MIGA2: variants seen among roughly 807,000 people sequenced by gnomAD.
MIGA2 encodes the protein family with sequence similarity 73, member B.
MIGA2 carries 36 observed loss-of-function variants against 69.9 expected under a neutral mutation model. The observed-to-expected ratio is 0.52, with a 90% CI of 0.39 to 0.68. The LOEUF (loss-of-function observed/expected upper bound fraction) is 0.68, where lower values mean the gene tolerates loss of function less well. MIGA2 is among the 30% of genes least tolerant of loss of function. The pLI, the probability that MIGA2 is intolerant of heterozygous loss-of-function variation, is 0.00. For missense variants in MIGA2, 660 were observed against 787.7 expected (o/e 0.84, Z 1.94); for synonymous variants, 333 against 349.2 (o/e 0.95, Z 0.52).
Position 129,070,547 on chromosome 9 carries a change from C to T in MIGA2, c.*94C>T, listed in dbSNP as rs986022792. 4.4e-6 allele frequency: 6 copies of T among 1,352,054 alleles called. No homozygotes were observed. In the Admixed American group the frequency reaches 1.7e-4, roughly 37 times the overall value. 83.8% of individuals were successfully genotyped at this position (1,352,054 alleles called of 1,614,324 possible). On this transcript the variant is annotated 3_prime_UTR_variant, in exon 16 of 16. Coordinates refer to ENST00000684074, the MANE Select transcript of MIGA2 (RefSeq NM_001329990.2). ...CTGTGGTGGCTGAGGGCCGTTGCCC[C>T]TGACTTTGCCCCACCCCCATCATCT...
chr9:129,063,165 C>A, intron 9 of MIGA2, 79 bp from the exon 10 acceptor site: 1 of 1,476,996 alleles, frequency 6.8e-7, no homozygotes, highest in South Asian at 1.2e-5. Context: ...TCCCCCCTCC[C>A]CACCCAGGTG....
chr9:129,064,912 A>C (rs1846263553), intron 11 of MIGA2, among the ~76,000 whole-genome samples: 1 of 150,198 alleles, frequency 6.7e-6, no homozygotes, highest in Admixed American at 6.6e-5. Context: ...CCTCCTGAGT[A>C]GCTGGGATTA....
At chr9:129,063,655 G>GGGTGGGGGGGGGGGC in intron 11 of MIGA2, 24 bp downstream of exon 11, 1 of 645,746 alleles carries the variant, frequency 1.5e-6, no homozygotes, top group Non-Finnish European at 2.9e-6. Flanking sequence ...GGGTGGGGGG[G>GGGTGGGGGGGGGGGC]CAAATTATAA....
Position 129,067,868 on chromosome 9 carries a change from A to AG in MIGA2, c.1269+1dup. ...CAACACGGCTGGAGCTGGAGGGCCG[A>AG]GGGGTGAGTTGCTTTGTGCTGAACC... On this transcript the variant is annotated frameshift_variant, in exon 12 of 16. Coordinates refer to ENST00000684074, the MANE Select transcript of MIGA2 (RefSeq NM_001329990.2). LOFTEE classifies it high-confidence loss of function. 6.2e-7 allele frequency: 1 copy of AG among 1,610,782 alleles called. No homozygotes were observed. Among genetic ancestry groups the AG allele is most frequent in the South Asian group, 1.1e-5 (1 of 90,366 alleles).
Position 129,071,137 on chromosome 9 carries a change from T to A in MIGA2, c.*684T>A, listed in dbSNP as rs1846656266. The A allele has an allele frequency of 6.6e-6, 1 of 152,634 alleles. No homozygotes were observed. Among genetic ancestry groups the A allele is most frequent in the African/African-American group, 2.4e-5 (1 of 41,454 alleles). 9.5% of individuals were successfully genotyped at this position (152,634 alleles called of 1,614,324 possible). ...CACCAAAGACGGGCGGAGGTGGGGC[T>A]GGGCCCTCCTGCCCCCGCCCATCCC... On this transcript the variant is annotated 3_prime_UTR_variant, in exon 16 of 16. Transcript: ENST00000684074.
chr9:129,068,302 C>A lies in MIGA2; in HGVS notation c.1374C>A (p.Asn458Lys). 6.2e-7 allele frequency: 1 copy of A among 1,608,890 alleles called. No homozygotes were observed. The change falls in exon 13 of 16, where the codon AAC becomes AAA. Residue 458 changes from asparagine (N) to lysine (K), a missense_variant. Around this residue, in one of 3 missense-constraint regions of MIGA2, gnomAD observed 220 missense variants for 301.7 expected, o/e 0.73. Coordinates refer to ENST00000684074, the MANE Select transcript of MIGA2 (RefSeq NM_001329990.2). The surrounding 1 kb of genome is among the most constrained non-coding windows in gnomAD (Gnocchi z 4.1). ...CCTCGGTGCTCGCCGTCCTGCGGAA[C>A]CGCTGGCTGTCAGACAGCTTCAAGG... ...PPASVLAVLRNRWLSDSFKET... is the reference protein window; with the variant it reads ...PPASVLAVLRKRWLSDSFKET...
intron 6 of MIGA2, among the ~76,000 whole-genome samples, chr9:129,054,042 AAAAAG>A (rs1306614066): frequency 6.6e-6 from 1 of 151,964 alleles, no homozygotes; most frequent in Admixed American, 6.6e-5. Flanking sequence ...CTACAAAAAG[AAAAAG>A]AAAAGATATA....
chr9:129,048,385 CAG>C (rs774920472), intron 3 of MIGA2, 40 bp from the exon 4 acceptor site: 9 of 1,532,508 alleles, frequency 5.9e-6, no homozygotes, highest in South Asian at 2.2e-5. Context: ...GTAAAGGCCA[CAG>C]GGGATGCCTG....
intron 12 of MIGA2, 126 bp downstream of exon 12, chr9:129,067,997 C>T (rs1846453431): frequency 1.6e-6 from 2 of 1,287,084 alleles, no homozygotes; most frequent in African/African-American, 2.9e-5. Flanking sequence ...GCTCATAGTC[C>T]CCGGTTCCTG....
In MIGA2 at chr9:129,069,169, C is replaced by T; in HGVS notation, c.1458+40C>T. 1 of 1,612,836 alleles carries T rather than the reference C, an allele frequency of 6.2e-7. No homozygotes were observed. Among genetic ancestry groups the T allele is most frequent in the Non-Finnish European group, 8.5e-7 (1 of 1,179,624 alleles). ...GGCCCGGGGGAGCACGAGCTGGGCT[C>T]TGAGGCAGCGTGGTGGGGAGCGGAG... On this transcript the variant is annotated intron_variant, in intron 14 of 15. Transcript: ENST00000684074. The surrounding 1 kb of genome is among the most constrained non-coding windows in gnomAD (Gnocchi z 4.9).
intron 11 of MIGA2, among the ~76,000 whole-genome samples, chr9:129,066,670 A>AAG (rs1554843228): frequency 6.9e-6 from 1 of 145,252 alleles, no homozygotes; most frequent in African/African-American, 2.6e-5. Flanking sequence ...AAAAAAAAAA[A>AAG]AAAGAAAGGC....
At chr9:129,065,597 G>A (rs564404787) in intron 11 of MIGA2, among the ~76,000 whole-genome samples, 2 of 151,896 alleles carry the variant, frequency 1.3e-5, no homozygotes, top group East Asian at 1.9e-4. Flanking sequence ...TGATCCACCC[G>A]CTTCAGCCTC....
At position 129,068,174 on chromosome 9, in the gene MIGA2, G is replaced by C; in HGVS notation, c.1270-24G>C. On this transcript the variant is annotated intron_variant, in intron 12 of 15. Coordinates refer to ENST00000684074, the MANE Select transcript of MIGA2 (RefSeq NM_001329990.2). This position sits in a 1 kb window ranked among gnomAD's most constrained non-coding sequence, Gnocchi z 4.1. ...GCTCCGGCAGTGCCCCCATGCATGA[G>C]CCTCCCGGGGGCACCCTCTGTAGGT... 1 of 1,613,580 alleles carries C rather than the reference G, an allele frequency of 6.2e-7. No homozygotes were observed. The highest frequency in any genetic ancestry group is 1.3e-5 in the African/African-American group (1 of 75,046).
chr9:129,057,021 G>A lies in MIGA2; in HGVS notation c.676-2133G>A, dbSNP rs575626515. On this transcript the variant is annotated intron_variant, in intron 6 of 15. Coordinates refer to ENST00000684074, the MANE Select transcript of MIGA2 (RefSeq NM_001329990.2). ...TGCATTCCAGCCTGGGCAACAGAAC[G>A]AGACCCCATCTCAAAAAAGAAAAAA... Among the ~76,000 whole-genome samples, 280 of 151,882 alleles carry A rather than the reference G, an allele frequency of 1.8e-3. 1 individual carries two copies. Among genetic ancestry groups the A allele is most frequent in the Non-Finnish European group, 2.1e-3 (146 of 67,962 alleles).
Position 129,063,636 on chromosome 9 carries a change from C to CG in MIGA2, c.1170+5_1170+6insG. The CG allele has an allele frequency of 1.7e-6, 1 of 599,952 alleles. No homozygotes were observed. Among genetic ancestry groups the CG allele is most frequent in the South Asian group, 1.5e-5 (1 of 65,708 alleles). The allele number at this position is 599,952 out of a possible 1,614,324, so 37.2% of individuals were successfully genotyped here. On this transcript the variant is annotated splice_donor_region_variant and intron_variant, in intron 11 of 15. Transcript: ENST00000684074. ...CTGATGACCAAGGCTGAGAAGGTAGCAGGGGGTGGGGTGGGGGGGCAAATT... is the reference window on the plus strand; with the variant it reads ...CTGATGACCAAGGCTGAGAAGGTAGCGAGGGGGTGGGGTGGGGGGGCAAATT...
rs1390736261 is a variant in MIGA2 at position 129,059,133 on chromosome 9, G to C, written c.676-21G>C. The C allele has an allele frequency of 6.2e-7, 1 of 1,609,586 alleles. No individual in the cohort carries two copies. Among genetic ancestry groups the C allele is most frequent in the Non-Finnish European group, 8.5e-7 (1 of 1,176,146 alleles). The stretch of plus-strand genomic sequence containing the variant: ...CGGGAGCTTTGAGGGTCTGGGTTGA[G>C]GGTCCTTGTTTTTATGGCAGCCAGA... On this transcript the variant is annotated intron_variant, in intron 6 of 15. Coordinates refer to ENST00000684074, the MANE Select transcript of MIGA2 (RefSeq NM_001329990.2). This position sits in a 1 kb window ranked among gnomAD's most constrained non-coding sequence, Gnocchi z 5.6.
intron 11 of MIGA2, among the ~76,000 whole-genome samples, chr9:129,064,648 C>T (rs1295373991): frequency 6.6e-6 from 1 of 152,108 alleles, no homozygotes; most frequent in Non-Finnish European, 1.5e-5. Flanking sequence ...GAAGGCCAAG[C>T]TCTGTTTGGT....
Position 129,059,191 on chromosome 9 carries a change from A to G in MIGA2, c.713A>G (p.Glu238Gly). Residue 238 changes from glutamate (E) to glycine (G), a missense_variant, in exon 7 of 16, where the codon GAG becomes GGG. Physicochemically the swap from Glu to Gly is moderately conservative, Grantham distance 98. Transcript: ENST00000684074. The surrounding 1 kb of genome is among the most constrained non-coding windows in gnomAD (Gnocchi z 5.6). ...SQRKEFAEKL[E>G]SLLHRAYHLQ... Reference sequence around the variant, plus strand: ...CGGAAGGAGTTTGCAGAGAAGCTGGAGTCCCTGCTGCACCGTGCCTACCAC... The same window carrying G: ...CGGAAGGAGTTTGCAGAGAAGCTGGGGTCCCTGCTGCACCGTGCCTACCAC... 6.2e-7 allele frequency: 1 copy of G among 1,613,102 alleles called. No homozygotes were observed. The highest frequency in any genetic ancestry group is 8.5e-7 in the Non-Finnish European group (1 of 1,179,548).
rs1011770503 is a variant in MIGA2 at position 129,068,549 on chromosome 9, C to T, written c.1404+217C>T. The T allele has an allele frequency of 1.9e-5, 11 of 570,846 alleles. No individual in the cohort carries two copies. The highest frequency in any genetic ancestry group is 4.7e-5 in the South Asian group (2 of 42,836). 35.4% of individuals were successfully genotyped at this position (570,846 alleles called of 1,614,324 possible). On this transcript the variant is annotated intron_variant, in intron 13 of 15. Coordinates refer to ENST00000684074, the MANE Select transcript of MIGA2 (RefSeq NM_001329990.2). This position sits in a 1 kb window ranked among gnomAD's most constrained non-coding sequence, Gnocchi z 4.1. ...CCCAGTTTAGAACCAACATGGTGTGCGCTTTCTTCCTATTGTGTGGTTTTA... is the reference window on the plus strand; with the variant it reads ...CCCAGTTTAGAACCAACATGGTGTGTGCTTTCTTCCTATTGTGTGGTTTTA...
Sources: gnomAD v4.1 joint callset for allele counts (sites outside exome capture counted in the v4.1 genomes callset) on GRCh38, gnomAD v4.1.1 for gene constraint, gnomAD v4.1.1 regional missense constraint, Gnocchi (gnomAD v3.1) non-coding constraint, MANE v1.5 for transcripts, NCBI Gene and HGNC (gene_info 2026-07-23, HGNC 2026-07-21) for gene names.